The following NEDD4 variants were observed in gnomAD, a reference collection of about 807,000 sequenced individuals.
NEDD4 encodes NEDD4 E3 ubiquitin protein ligase.
Under a neutral mutation model 144.9 loss-of-function variants are expected in NEDD4, and 99 were observed. That is an observed-to-expected ratio of 0.68 (90% CI 0.58 to 0.81). NEDD4 has a LOEUF of 0.81. Ranked by LOEUF, NEDD4 falls within the 30% of genes least tolerant of loss-of-function variation. The probability of loss-of-function intolerance (pLI) is 0.00; values close to 1 mark genes in which losing one functional copy is unlikely to be tolerated. For synonymous variants in NEDD4, 318 were observed against 350.6 expected (o/e 0.91, Z 1.04); for missense variants, 985 against 1,065.9 (o/e 0.92, Z 1.06).
intron 23 of NEDD4, 108 bp from the exon 24 acceptor site, chr15:55,837,957 G>A (rs921926550): frequency 1.2e-5 from 12 of 965,234 alleles, no homozygotes; most frequent in Non-Finnish European, 1.7e-5. Context: ...CAAGGTAAAA[G>A]CTGAATATGA....
rs1260057184 is a variant in NEDD4 at position 55,850,671 on chromosome 15, A to C, written c.1218T>G (p.Ser406Arg). The C allele has an allele frequency of 6.2e-7, 1 of 1,614,080 alleles. No homozygotes were observed. The highest frequency in any genetic ancestry group is 8.5e-7 in the Non-Finnish European group (1 of 1,180,030). ...SAGPQSQAST[S>R]DSGQQVTQPS... Reference sequence around the variant, plus strand: ...GCTGGGTCACCTGCTGGCCTGAATCACTGGTGGAGGCTTGTGATTGAGGGC... The same window carrying C: ...GCTGGGTCACCTGCTGGCCTGAATCCCTGGTGGAGGCTTGTGATTGAGGGC... The change falls in exon 14 of 29, where the codon AGT becomes AGG. Residue 406 changes from serine to arginine, a missense_variant. Ser to Arg is a moderately radical substitution (Grantham distance 110). Coordinates refer to ENST00000435532, the MANE Select transcript of NEDD4 (RefSeq NM_006154.4).
chr15:55,887,660 A>C (rs528912585), intron 5 of NEDD4, among the ~76,000 whole-genome samples: 1 of 152,276 alleles, frequency 6.6e-6, no homozygotes, highest in African/African-American at 2.4e-5. Flanking sequence ...CAGAGACCAA[A>C]ACCAAACAGA....
rs532413480 is a variant in NEDD4 at position 55,935,337 on chromosome 15, G to T, written c.238-10638C>A. Among the ~76,000 whole-genome samples, 29 of 152,170 alleles carry T rather than the reference G, an allele frequency of 1.9e-4. 1 individual carries two copies. In the South Asian group the frequency reaches 5.8e-3, roughly 30 times the overall value. ...TGTCCTGCCTTCTTCCTAGCTAAAA[G>T]AATTATAATTTTATTCAAATATTGG... On this transcript the variant is annotated intron_variant, in intron 4 of 28. Coordinates refer to ENST00000435532, the MANE Select transcript of NEDD4 (RefSeq NM_006154.4).
intron 5 of NEDD4, among the ~76,000 whole-genome samples, chr15:55,888,191 C>T (rs1480470834): frequency 6.6e-6 from 1 of 152,074 alleles, no homozygotes; most frequent in Non-Finnish European, 1.5e-5. Context: ...GAAGAAGTCA[C>T]ATTATCCTTG....
intron 4 of NEDD4, among the ~76,000 whole-genome samples, chr15:55,925,893 G>GA (rs1365953127): frequency 1.3e-5 from 2 of 151,748 alleles, no homozygotes; most frequent in African/African-American, 4.8e-5. Flanking sequence ...GGATGAGGAA[G>GA]AAAAAAGTAT....
intron 18 of NEDD4, among the ~76,000 whole-genome samples, chr15:55,844,928 C>A (rs2033678510): frequency 1.3e-5 from 2 of 152,026 alleles, no homozygotes; most frequent in African/African-American, 4.8e-5. Context: ...CTGCCTCAGC[C>A]TCCCAAAGTG....
chr15:55,897,256 AG>A (rs1351259268), intron 5 of NEDD4, among the ~76,000 whole-genome samples: 1 of 152,192 alleles, frequency 6.6e-6, no homozygotes, highest in Non-Finnish European at 1.5e-5. Flanking sequence ...TACAGGCGTG[AG>A]CCACTGCGCC....
intron 4 of NEDD4, among the ~76,000 whole-genome samples, chr15:55,950,932 T>G (rs982547692): frequency 6.6e-6 from 1 of 152,080 alleles, no homozygotes; most frequent in Admixed American, 6.6e-5. Flanking sequence ...TGCTGAGGAA[T>G]TGGAAATAAC....
intron 4 of NEDD4, among the ~76,000 whole-genome samples, chr15:55,933,951 C>T (rs146380659): frequency 0.01 from 1,576 of 152,240 alleles, 15 homozygotes; most frequent in Non-Finnish European, 0.015. Flanking sequence ...GTCAGGAGTT[C>T]GAGACCATTC....
At chr15:55,961,836 G>A (rs1234515457) in intron 2 of NEDD4, among the ~76,000 whole-genome samples, 1 of 152,134 alleles carries the variant, frequency 6.6e-6, no homozygotes, top group Non-Finnish European at 1.5e-5. Flanking sequence ...GCTAGTGAAT[G>A]TACCATGTAC....
chr15:55,832,941 T>C (rs544674551), intron 27 of NEDD4, 67 bp downstream of exon 27: 43 of 1,064,538 alleles, frequency 4.0e-5, no homozygotes, highest in Admixed American at 2.9e-4. Flanking sequence ...AGCTTGCGGA[T>C]TCGTCAGCCA....
At chr15:55,853,748 G>T (rs1464248509) in intron 12 of NEDD4, among the ~76,000 whole-genome samples, 20 of 152,308 alleles carry the variant, frequency 1.3e-4, no homozygotes, top group Middle Eastern at 6.8e-3. Context: ...CAGCACTTTT[G>T]GGGGCTGAGG....
At chr15:55,909,506 T>C (rs546062172) in intron 5 of NEDD4, among the ~76,000 whole-genome samples, 1 of 152,194 alleles carries the variant, frequency 6.6e-6, no homozygotes, top group Non-Finnish European at 1.5e-5. Flanking sequence ...AGCAATACTT[T>C]GGATTATTTC....
chr15:55,931,358 T>C (rs1033601347), intron 4 of NEDD4, among the ~76,000 whole-genome samples: 1 of 152,172 alleles, frequency 6.6e-6, no homozygotes, highest in Admixed American at 6.5e-5. Flanking sequence ...CACCAGAATT[T>C]GTTGTTTTTC....
intron 15 of NEDD4, 45 bp from the exon 16 acceptor site, chr15:55,848,620 G>A (rs1157970748): frequency 6.6e-7 from 1 of 1,524,318 alleles, no homozygotes; most frequent in African/African-American, 1.4e-5. Context: ...GAGGGGCGTA[G>A]ATGAATGGAT....
chr15:55,887,247 T>C (rs1385403086), intron 5 of NEDD4, among the ~76,000 whole-genome samples: 1 of 151,818 alleles, frequency 6.6e-6, no homozygotes, highest in Non-Finnish European at 1.5e-5. Context: ...TTAACAAACC[T>C]TTAGCCAGAC....
chr15:55,832,605 G>A (rs1254915540), intron 27 of NEDD4, among the ~76,000 whole-genome samples: 2 of 152,018 alleles, frequency 1.3e-5, no homozygotes, highest in East Asian at 1.9e-4. Flanking sequence ...GGGTAGAGAC[G>A]GGGTTTCACT....
chr15:55,904,989 G>A (rs1020046165), intron 5 of NEDD4, among the ~76,000 whole-genome samples: 2 of 151,914 alleles, frequency 1.3e-5, no homozygotes, highest in African/African-American at 2.4e-5. Flanking sequence ...CTACTCAGGA[G>A]GCTGAGGAAG....
At chr15:55,991,691 C>G (rs2037990629) in intron 1 of NEDD4, among the ~76,000 whole-genome samples, 1 of 152,190 alleles carries the variant, frequency 6.6e-6, no homozygotes, top group Admixed American at 6.5e-5. Context: ...AGGCCACAGT[C>G]CATGAAACTT....
Sources: allele counts gnomAD v4.1 joint callset (sites outside exome capture counted in the v4.1 genomes callset), GRCh38; gene constraint gnomAD v4.1.1; transcripts MANE v1.5; gene names NCBI Gene and HGNC (gene_info 2026-07-23, HGNC 2026-07-21).